SERPINB7: variants seen among roughly 807,000 people sequenced by gnomAD.
SERPINB7 encodes the protein serpin B7.
SERPINB7 carries 31 observed loss-of-function variants against 37.4 expected under a neutral mutation model. That is an observed-to-expected ratio of 0.83 (90% CI 0.62 to 1.12). SERPINB7 has a LOEUF of 1.12. Among genes scored for constraint, SERPINB7 ranks in the 50% most tolerant of loss-of-function variants. The probability of loss-of-function intolerance (pLI) is 0.00; values close to 1 mark genes in which losing one functional copy is unlikely to be tolerated. For synonymous variants in SERPINB7, 163 were observed against 166.1 expected (o/e 0.98, Z 0.14); for missense variants, 521 against 455.3 (o/e 1.14, Z -1.31).
chr18:63,773,553 C>T (rs1327236035), upstream of SERPINB7, among the ~76,000 whole-genome samples: 3 of 152,118 alleles, frequency 2.0e-5, no homozygotes, highest in Non-Finnish European at 4.4e-5. Flanking sequence ...ACTGACACCT[C>T]GTGTAATCCT....
At chr18:63,767,735 TA>T (rs1488907578) in intron 1 of SERPINB7, among the ~76,000 whole-genome samples, 1 of 152,084 alleles carries the variant, frequency 6.6e-6, no homozygotes, top group Non-Finnish European at 1.5e-5. Flanking sequence ...AAAGATTGTG[TA>T]ATATTGGTGT....
chr18:63,765,292 C>T (rs961938514), intron 1 of SERPINB7, among the ~76,000 whole-genome samples: 2 of 151,994 alleles, frequency 1.3e-5, no homozygotes, highest in South Asian at 2.1e-4. Flanking sequence ...TTATAAAATC[C>T]GTCAGTGTAG....
intron 6 of SERPINB7, 85 bp downstream of exon 6, chr18:63,798,831 T>A: frequency 7.2e-7 from 1 of 1,389,800 alleles, no homozygotes; most frequent in Non-Finnish European, 9.9e-7. Context: ...TAGTAAACTC[T>A]AGGTTCACCG....
chr18:63,777,050 A>T (rs755904745), intron 1 of SERPINB7, among the ~76,000 whole-genome samples: 2 of 152,078 alleles, frequency 1.3e-5, no homozygotes, highest in Non-Finnish European at 2.9e-5. Context: ...ACTTGTGGGA[A>T]ATAATGTGTA....
intron 4 of SERPINB7, among the ~76,000 whole-genome samples, chr18:63,795,929 G>A (rs2049482988): frequency 6.6e-6 from 1 of 152,164 alleles, no homozygotes; most frequent in Admixed American, 6.5e-5. Flanking sequence ...AGGAAGGGAT[G>A]ACACAGGCAA....
intron 2 of SERPINB7, among the ~76,000 whole-genome samples, chr18:63,783,995 G>A (rs748190047): frequency 1.3e-5 from 2 of 152,088 alleles, no homozygotes; most frequent in Non-Finnish European, 1.5e-5. Context: ...GCGCTAGAGC[G>A]GTTTACAACC....
chr18:63,798,774 A>G (rs903674340), intron 6 of SERPINB7, 28 bp downstream of exon 6: 14 of 1,607,636 alleles, frequency 8.7e-6, no homozygotes, highest in Non-Finnish European at 1.2e-5. Context: ...TATTTAATTT[A>G]GAACTTTTCC....
chr18:63,795,790 G>T (rs2049481414), intron 4 of SERPINB7, among the ~76,000 whole-genome samples: 1 of 152,166 alleles, frequency 6.6e-6, no homozygotes, highest in African/African-American at 2.4e-5. Flanking sequence ...GTAGTATCGT[G>T]GGACAGCAGA....
rs182193543 is a variant in SERPINB7 at position 63,759,905 on chromosome 18, A to C, written c.-19+6785A>C. ...CCATGTGGAACTGTAAGTCCAATGA[A>C]ACCTCTTTTTCTTCCCAGTCTCAGG... On this transcript the variant is annotated intron_variant, in intron 1 of 7. Coordinates refer to the SERPINB7 transcript ENST00000336429. Among the ~76,000 whole-genome samples, 211 of 152,312 alleles carry C rather than the reference A, an allele frequency of 1.4e-3. 4 individuals are homozygous for C. Among genetic ancestry groups the C allele is most frequent in the Admixed American group, 0.013 (206 of 15,298 alleles).
intron 1 of SERPINB7, among the ~76,000 whole-genome samples, chr18:63,757,068 T>C (rs2049126635): frequency 6.6e-6 from 1 of 152,132 alleles, no homozygotes. Context: ...TTAATAGAGT[T>C]GTTTGTTTTT....
chr18:63,791,664 G>A (rs1427605118), intron 2 of SERPINB7, among the ~76,000 whole-genome samples: 1 of 152,000 alleles, frequency 6.6e-6, no homozygotes, highest in Admixed American at 6.6e-5. Flanking sequence ...AGGCTGGAGT[G>A]CAGTGGTGCT....
intron 2 of SERPINB7, among the ~76,000 whole-genome samples, chr18:63,786,006 T>G (rs1190144946): frequency 7.0e-6 from 1 of 143,314 alleles, no homozygotes. Flanking sequence ...AATATACGTA[T>G]ATATACACAT....
chr18:63,795,823 G>A (rs931481384), intron 4 of SERPINB7, among the ~76,000 whole-genome samples: 3 of 152,278 alleles, frequency 2.0e-5, no homozygotes, highest in Admixed American at 6.5e-5. Context: ...TGGCTATGAC[G>A]TAAGCAGGGT....
chr18:63,772,985 CAGA>C (rs2049220016), upstream of SERPINB7, among the ~76,000 whole-genome samples: 1 of 151,990 alleles, frequency 6.6e-6, no homozygotes, highest in Admixed American at 6.6e-5. Flanking sequence ...AAAAGAGAAT[CAGA>C]AGAAGGAGGA....
chr18:63,783,274 GAAAGAAA>G (rs2049331377), intron 2 of SERPINB7, among the ~76,000 whole-genome samples: 1 of 149,426 alleles, frequency 6.7e-6, no homozygotes, highest in Non-Finnish European at 1.5e-5. Flanking sequence ...AAGAAAGAAA[GAAAGAAA>G]GAAAGAAAGA....
intron 1 of SERPINB7, among the ~76,000 whole-genome samples, chr18:63,762,865 T>C (rs1269209130): frequency 1.3e-5 from 2 of 152,070 alleles, no homozygotes; most frequent in Admixed American, 1.3e-4. Context: ...AAAACAGGAG[T>C]TATATAAATA....
At chr18:63,792,265 A>G (rs1599014533) in intron 2 of SERPINB7, 128 bp from the exon 3 acceptor site, 3 of 627,602 alleles carry the variant, frequency 4.8e-6, no homozygotes, top group East Asian at 5.7e-5. Flanking sequence ...GCTCTAAGAT[A>G]CTAATGAACT....
At chr18:63,786,087 CATATAATATAA>C (rs1166065209) in intron 2 of SERPINB7, among the ~76,000 whole-genome samples, 2 of 104,122 alleles carry the variant, frequency 1.9e-5, no homozygotes, top group Admixed American at 9.7e-5. Context: ...TACATATATA[CATATAATATAA>C]GTATATATAT....
At chr18:63,778,631 T>C (rs1568205559) in intron 1 of SERPINB7, among the ~76,000 whole-genome samples, 1 of 152,174 alleles carries the variant, frequency 6.6e-6, no homozygotes, top group Non-Finnish European at 1.5e-5. Flanking sequence ...TGTGCCTGAA[T>C]TTTCTTATGC....
Sources: gnomAD v4.1 joint callset for allele counts (sites outside exome capture counted in the v4.1 genomes callset) on GRCh38, gnomAD v4.1.1 for gene constraint, MANE v1.5 for transcripts, NCBI Gene and HGNC (gene_info 2026-07-23, HGNC 2026-07-21) for gene names.